ANKS3: variants seen among roughly 807,000 people sequenced by gnomAD.
The protein encoded by ANKS3 is ankyrin repeat and SAM domain-containing protein 3.
Under a neutral mutation model 80.7 loss-of-function variants are expected in ANKS3, and 62 were observed. That is an observed-to-expected ratio of 0.77 (90% CI 0.63 to 0.95). The LOEUF (loss-of-function observed/expected upper bound fraction) is 0.95. Among genes scored for constraint, ANKS3 ranks in the 40% least tolerant of loss-of-function variants. ANKS3 has a pLI of 0.00. For missense variants in ANKS3, 1,150 were observed against 883.6 expected, an observed-to-expected ratio of 1.30 and a Z score of -3.82; for synonymous variants, 489 against 355.3, an observed-to-expected ratio of 1.38 and a Z score of -4.23.
chr16:4,715,676 A>C (rs2080759021), intron 6 of ANKS3, among the ~76,000 whole-genome samples: 1 of 152,246 alleles, frequency 6.6e-6, no homozygotes, highest in African/African-American at 2.4e-5. Context: ...AATTACACAG[A>C]AAACAATATT....
chr16:4,725,276 C>T (rs560620502), intron 5 of ANKS3, among the ~76,000 whole-genome samples: 2 of 152,234 alleles, frequency 1.3e-5, no homozygotes, highest in Non-Finnish European at 2.9e-5. Context: ...CGCTTAGCTC[C>T]TGAAGCTTGC....
rs1388639760 is a variant in ANKS3 at position 4,698,569 on chromosome 16, G to A, written c.1582C>T (p.Gln528Ter). Residue 528 changes from glutamine (Q) to a stop codon, truncating the protein, a stop_gained, in exon 14 of 18, where the codon CAG (glutamine) becomes TAG (stop). Coordinates refer to ENST00000304283, the MANE Select transcript of ANKS3 (RefSeq NM_133450.4). LOFTEE classifies it high-confidence loss of function. The stretch of plus-strand genomic sequence containing the variant: ...CGCAGCTCCTGCTCCTGACACACCT[G>A]GCCCCGCGTGGCCTCTACCTCCTCG... ...RCEEVEATRG[Q>*]VCQEQELRAV... 6.3e-7 allele frequency: 1 copy of A among 1,576,164 alleles called. No homozygotes were observed. The highest frequency in any genetic ancestry group is 8.6e-7 in the Non-Finnish European group (1 of 1,168,574).
rs1436584185 is a variant in ANKS3, at chr16:4,697,881, G to C, written c.1810+96C>G. 2.6e-6 allele frequency: 3 copies of C among 1,170,430 alleles called. No individual in the cohort carries two copies. The South Asian group carries it at 4.9e-5, about 19-fold the overall frequency. The allele number at this position is 1,170,430 out of a possible 1,614,324, so 72.5% of individuals were successfully genotyped here. On this transcript the variant is annotated intron_variant, in intron 15 of 17. Coordinates refer to ENST00000304283, the MANE Select transcript of ANKS3 (RefSeq NM_133450.4). ...CAGGGACCTGGGAGAGTGGCTGCCG[G>C]CCGGAGAACCAGGCCAAGCCCACTG...
chr16:4,698,589 T>C lies in ANKS3; in HGVS notation c.1562A>G (p.Glu521Gly). 6.4e-7 allele frequency: 1 copy of C among 1,564,164 alleles called. No individual in the cohort carries two copies. The highest frequency in any genetic ancestry group is 8.6e-7 in the Non-Finnish European group (1 of 1,162,546). The change falls in exon 14 of 18, where the codon GAG becomes GGG. Residue 521 changes from glutamate (E) to glycine (G), a missense_variant. Coordinates refer to ENST00000304283, the MANE Select transcript of ANKS3 (RefSeq NM_133450.4). Reference protein sequence around the residue: ...LAIQLHKRCEEVEATRGQVCQ... With the variant: ...LAIQLHKRCEGVEATRGQVCQ... ...CACCTGGCCCCGCGTGGCCTCTACCTCCTCGCAGCGCTGCAGGGGGGTGGG... is the reference window on the plus strand; with the variant it reads ...CACCTGGCCCCGCGTGGCCTCTACCCCCTCGCAGCGCTGCAGGGGGGTGGG...
intron 6 of ANKS3, among the ~76,000 whole-genome samples, chr16:4,720,453 C>T (rs1475386895): frequency 1.3e-5 from 2 of 148,728 alleles, no homozygotes; most frequent in Non-Finnish European, 3.0e-5. Context: ...CAGAGAGAGA[C>T]TCCATCTCAA....
intron 6 of ANKS3, among the ~76,000 whole-genome samples, chr16:4,722,230 A>C (rs989863946): frequency 2.0e-5 from 3 of 151,504 alleles, no homozygotes; most frequent in South Asian, 2.1e-4. Context: ...TAAGTGAGAA[A>C]AAAACAAACT....
At chr16:4,732,137 G>C (rs534173819) in intron 1 of ANKS3, among the ~76,000 whole-genome samples, 1 of 146,082 alleles carries the variant, frequency 6.8e-6, no homozygotes, top group Non-Finnish European at 1.5e-5. Flanking sequence ...GTGTAGGTGC[G>C]GTGGGGCAAG....
At chr16:4,715,080 G>C (rs951387630) in intron 6 of ANKS3, among the ~76,000 whole-genome samples, 1 of 151,712 alleles carries the variant, frequency 6.6e-6, no homozygotes, top group Non-Finnish European at 1.5e-5. Flanking sequence ...AATGCTCAGG[G>C]GGATAAGCAG....
chr16:4,708,026 A>G (rs1201367002), intron 7 of ANKS3, among the ~76,000 whole-genome samples: 2 of 152,158 alleles, frequency 1.3e-5, no homozygotes, highest in South Asian at 4.1e-4. Flanking sequence ...GAGGCAGGAG[A>G]GTCGCTTGAA....
intron 5 of ANKS3, among the ~76,000 whole-genome samples, chr16:4,725,831 TG>T (rs2081318462): frequency 6.6e-6 from 1 of 150,892 alleles, no homozygotes; most frequent in South Asian, 2.1e-4. Flanking sequence ...AGCTAATTTT[TG>T]TATTTTTAGT....
rs1359706290 is a variant in ANKS3 at position 4,699,187 on chromosome 16, CAG to C, written c.1285-13_1285-12del. The C allele has an allele frequency of 1.6e-5, 26 of 1,613,618 alleles. No homozygotes were observed. The highest frequency in any genetic ancestry group is 2.7e-5 in the African/African-American group (2 of 74,942). ...CAGTGCGGCAAGGTCCTGGCAGGCA[CAG>C]GGGACAGGTTGGGGGAGGTAGTGGC... On this transcript the variant is annotated splice_polypyrimidine_tract_variant and intron_variant, in intron 11 of 17. Transcript: ENST00000304283.
rs114589444 is a variant in ANKS3 at position 4,730,426 on chromosome 16, G to A, written c.-2-275C>T. Among the ~76,000 whole-genome samples the A allele has an allele frequency of 1.7e-3, 259 of 152,222 alleles. 1 individual carries two copies. Among genetic ancestry groups the A allele is most frequent in the African/African-American group, 6.0e-3 (248 of 41,528 alleles). On this transcript the variant is annotated intron_variant, in intron 2 of 17. Coordinates refer to ENST00000304283, the MANE Select transcript of ANKS3 (RefSeq NM_133450.4). ...GGAGTACCTGCTCCTCCTTCCAACCGCAGGCACCAGGTAAAAGAGAATTCT... is the reference window on the plus strand; with the variant it reads ...GGAGTACCTGCTCCTCCTTCCAACCACAGGCACCAGGTAAAAGAGAATTCT...
At position 4,733,937 on chromosome 16, in the gene ANKS3, C is replaced by A; in HGVS notation, c.-71+1G>T. The A allele has an allele frequency of 1.0e-6, 1 of 985,550 alleles. No homozygotes were observed. The highest frequency in any genetic ancestry group is 1.2e-6 in the Non-Finnish European group (1 of 830,010). 61.1% of individuals were successfully genotyped at this position (985,550 alleles called of 1,614,324 possible). On this transcript the variant is annotated splice_donor_variant, in intron 1 of 17. Transcript: ENST00000304283. LOFTEE classifies it low-confidence loss of function (5UTR_SPLICE). ...CCCTGGCCGACAAACCCGTAACTCA[C>A]AGCAGTGACGCTTCCCGACGCCCCC... is the stretch of plus-strand genomic sequence containing the variant.
intron 7 of ANKS3, among the ~76,000 whole-genome samples, chr16:4,711,737 A>AGGG (rs1555470471): frequency 6.0e-5 from 9 of 150,120 alleles, no homozygotes; most frequent in African/African-American, 2.2e-4. Context: ...AAAAAAAAAA[A>AGGG]GGGAGAAAAT....
intron 7 of ANKS3, among the ~76,000 whole-genome samples, chr16:4,710,371 C>T (rs1252438917): frequency 6.6e-6 from 1 of 152,178 alleles, no homozygotes; most frequent in Non-Finnish European, 1.5e-5. Flanking sequence ...ACACACTGTA[C>T]CCCATAAATA....
chr16:4,716,064 GA>G, intron 6 of ANKS3, among the ~76,000 whole-genome samples: 1 of 151,820 alleles, frequency 6.6e-6, no homozygotes. Flanking sequence ...ATCATTAAGA[GA>G]AAAAAGGCAC....
At chr16:4,723,268 A>G (rs2081194074) in intron 6 of ANKS3, among the ~76,000 whole-genome samples, 1 of 152,138 alleles carries the variant, frequency 6.6e-6, no homozygotes, top group Non-Finnish European at 1.5e-5. Flanking sequence ...ATTTTAGCAC[A>G]TTTTTATCAC....
chr16:4,725,675 G>C (rs117488078), intron 5 of ANKS3, among the ~76,000 whole-genome samples: 3,645 of 152,198 alleles, frequency 0.024, 54 homozygotes, highest in Non-Finnish European at 0.03. Context: ...GTTTGTTTTT[G>C]AGACAGAGTT....
At chr16:4,726,311 A>G (rs1175371595) in intron 5 of ANKS3, among the ~76,000 whole-genome samples, 1 of 128,056 alleles carries the variant, frequency 7.8e-6, no homozygotes, top group Non-Finnish European at 1.8e-5. Flanking sequence ...CACCTCATCC[A>G]TACAAAAAGC....
Sources: allele counts gnomAD v4.1 joint callset (sites outside exome capture counted in the v4.1 genomes callset), GRCh38; gene constraint gnomAD v4.1.1; transcripts MANE v1.5; gene names NCBI Gene and HGNC (gene_info 2026-07-23, HGNC 2026-07-21).